The following APTX variants were observed in gnomAD, a reference collection of about 807,000 sequenced individuals.
APTX encodes forkhead-associated domain histidine triad-like protein.
A neutral mutation model predicts 42.3 loss-of-function variants in APTX; 33 were observed. The observed-to-expected ratio is 0.78, with a 90% CI of 0.59 to 1.04. APTX has a LOEUF of 1.04. APTX is among the 50% of genes least tolerant of loss of function. The pLI is 0.00. For missense variants in APTX, 421 were observed against 415.1 expected (o/e 1.01, Z -0.12); for synonymous variants, 130 against 146.7 (o/e 0.89, Z 0.82).
At chr9:32,988,025 A>C in intron 3 of APTX, 58 bp downstream of exon 3, 3 of 1,579,572 alleles carry the variant, frequency 1.9e-6, no homozygotes, top group Non-Finnish European at 2.6e-6. Flanking sequence ...AGACACTCTA[A>C]AGTCAACAGC....
At chr9:32,991,951 C>T (rs755389818) in intron 1 of APTX, among the ~76,000 whole-genome samples, 2 of 151,996 alleles carry the variant, frequency 1.3e-5, no homozygotes, top group African/African-American at 4.8e-5. Context: ...GTGGAAGATC[C>T]AAGACTCAAG....
At chr9:32,983,941 T>C (rs1406206430) in intron 6 of APTX, among the ~76,000 whole-genome samples, 1 of 152,198 alleles carries the variant, frequency 6.6e-6, no homozygotes, top group Non-Finnish European at 1.5e-5. Flanking sequence ...AATGGTTGCA[T>C]AGTAATATGA....
chr9:33,001,473 GC>G, intron 1 of APTX, 93 bp downstream of exon 1: 1 of 1,597,510 alleles, frequency 6.3e-7, no homozygotes, highest in African/African-American at 1.3e-5. Flanking sequence ...GTCATTCAAG[GC>G]ACATCACTCA....
chr9:32,983,184 T>A (rs555472847), intron 6 of APTX, among the ~76,000 whole-genome samples: 106 of 151,814 alleles, frequency 7.0e-4, no homozygotes, highest in African/African-American at 2.4e-3. Flanking sequence ...GGGAAAAAAA[T>A]AAATAAAGTA....
intron 1 of APTX, among the ~76,000 whole-genome samples, chr9:33,020,899 G>A (rs1391363771): frequency 6.6e-6 from 1 of 152,222 alleles, no homozygotes; most frequent in Non-Finnish European, 1.5e-5. Context: ...GGAGGCCGAG[G>A]CGGGCAGATC....
intron 1 of APTX, chr9:33,020,099 C>T (rs1389746653): frequency 3.1e-5 from 12 of 381,134 alleles, no homozygotes; most frequent in Middle Eastern, 6.7e-4. Flanking sequence ...CCGCAGTTGG[C>T]GCCTCCGCCT....
At chr9:32,997,920 G>A (rs1835334840) in intron 1 of APTX, among the ~76,000 whole-genome samples, 1 of 152,230 alleles carries the variant, frequency 6.6e-6, no homozygotes, top group African/African-American at 2.4e-5. Context: ...ATCTGGGGGT[G>A]GAGGGGAGTA....
intron 1 of APTX, among the ~76,000 whole-genome samples, chr9:33,016,799 G>C (rs944808285): frequency 5.6e-4 from 86 of 152,250 alleles, no homozygotes; most frequent in African/African-American, 1.8e-3. Context: ...GGGCAGCCCA[G>C]GCAGGCAGAA....
At chr9:32,986,059 AAAAAAAAAAAACAAGC>A in intron 4 of APTX, 29 bp from the exon 5 acceptor site, 6 of 1,240,040 alleles carry the variant, frequency 4.8e-6, no homozygotes, top group Admixed American at 4.2e-5. Flanking sequence ...AAAAAACAAA[AAAAAAAAAAAACAAGC>A]AATGTAAATT....
Position 32,987,534 on chromosome 9 carries a change from C to G in APTX, c.483+10G>C. On this transcript the variant is annotated intron_variant, in intron 4 of 7. Coordinates refer to ENST00000379817, the MANE Select transcript of APTX (RefSeq NM_001195248.2). ...TTCTCCACATCATCTACCAATCACACTACCCTCACCTTTTTGATAGGTGCA... is the reference window on the plus strand; with the variant it reads ...TTCTCCACATCATCTACCAATCACAGTACCCTCACCTTTTTGATAGGTGCA... 1 of 1,613,404 alleles carries G rather than the reference C, an allele frequency of 6.2e-7. No individual in the cohort carries two copies. Among genetic ancestry groups the G allele is most frequent in the Non-Finnish European group, 8.5e-7 (1 of 1,180,032 alleles).
chr9:33,006,999 C>CAAAA (rs55924566), intron 1 of APTX, among the ~76,000 whole-genome samples: 125 of 49,416 alleles, frequency 2.5e-3, no homozygotes, highest in African/African-American at 3.3e-3. Context: ...GACTCTGTCT[C>CAAAA]AAAAAAAAAA....
chr9:32,977,763 A>C (rs1222897889), intron 6 of APTX, among the ~76,000 whole-genome samples: 4 of 151,560 alleles, frequency 2.6e-5, no homozygotes, highest in Non-Finnish European at 5.9e-5. Flanking sequence ...CCCAGGAGGC[A>C]GGGGTTTCAG....
intron 4 of APTX, 23 bp from the exon 5 acceptor site, chr9:32,986,053 A>G: frequency 1.5e-6 from 1 of 672,344 alleles, no homozygotes; most frequent in Non-Finnish European, 2.2e-6. Flanking sequence ...CAAAAAAAAA[A>G]ACAAAAAAAA....
At chr9:33,004,767 G>A (rs1322747719), upstream of APTX, among the ~76,000 whole-genome samples, 1 of 151,256 alleles carries the variant, frequency 6.6e-6, no homozygotes, top group Admixed American at 6.6e-5. Flanking sequence ...TGAGTAGCTG[G>A]GACTACAGGT....
chr9:33,005,199 G>A (rs1045668231), upstream of APTX, among the ~76,000 whole-genome samples: 3 of 151,968 alleles, frequency 2.0e-5, no homozygotes, highest in African/African-American at 7.3e-5. Flanking sequence ...ATTTCATAGG[G>A]TGCTTTTCAC....
At chr9:33,011,742 G>A (rs912094441) in intron 1 of APTX, among the ~76,000 whole-genome samples, 2 of 152,126 alleles carry the variant, frequency 1.3e-5, no homozygotes, top group African/African-American at 4.8e-5. Context: ...TCCATGTTGA[G>A]TCAACAAGCC....
intron 1 of APTX, chr9:33,019,595 C>CA: frequency 2.7e-6 from 1 of 373,242 alleles, no homozygotes; most frequent in Middle Eastern, 7.4e-4. Flanking sequence ...CCATGAGGCC[C>CA]TCCCGGGAAA....
chr9:33,008,587 T>C (rs1837323615), intron 1 of APTX, among the ~76,000 whole-genome samples: 1 of 149,716 alleles, frequency 6.7e-6, no homozygotes, highest in Non-Finnish European at 1.5e-5. Context: ...AGTCTCACTC[T>C]GTCACCCAGG....
chr9:32,984,794 G>C lies in APTX; in HGVS notation c.607C>G (p.Leu203Val). ...DKYPKARYHW[L>V]VLPWTSISSL... ...GAAATGGAGGTCCACGGTAAGACCA[G>C]CCAATGGTAACGGGCCTTTGGGTAT... is the stretch of plus-strand genomic sequence containing the variant. The change falls in exon 6 of 8, where the codon CTG becomes GTG. Residue 203 changes from leucine (L) to valine (V), a missense_variant. Transcript: ENST00000379817. 6.2e-7 allele frequency: 1 copy of C among 1,614,238 alleles called. No individual in the cohort carries two copies. Among genetic ancestry groups the C allele is most frequent in the African/African-American group, 1.3e-5 (1 of 75,060 alleles).
Sources: allele counts gnomAD v4.1 joint callset (sites outside exome capture counted in the v4.1 genomes callset), GRCh38; gene constraint gnomAD v4.1.1; transcripts MANE v1.5; gene names NCBI Gene and HGNC (gene_info 2026-07-23, HGNC 2026-07-21).